Variants in GNAQ observed in about 807,000 individuals in gnomAD.
GNAQ encodes guanine nucleotide-binding protein G(q) subunit alpha.
In GNAQ, 8 loss-of-function variants were observed where a neutral mutation model predicts 43.9. That is an observed-to-expected ratio of 0.18 (90% CI 0.11 to 0.33). GNAQ has a LOEUF of 0.33. Among genes scored for constraint, GNAQ ranks in the 10% least tolerant of loss-of-function variants. The probability of loss-of-function intolerance (pLI) is 1.00; values close to 1 mark genes in which losing one functional copy is unlikely to be tolerated. For missense variants in GNAQ, 158 were observed against 450.8 expected, an observed-to-expected ratio of 0.35 and a Z score of 5.88; for synonymous variants, 155 against 170.7, an observed-to-expected ratio of 0.91 and a Z score of 0.71.
rs549280434 is a variant in GNAQ, at chr9:77,939,546, A to C, written c.137-17201T>G. ...AAGCATGAATAATTCTAAAATACTAAATAAGTTCCCCCCTTTTCTCTCCCA... is the reference window on the plus strand; with the variant it reads ...AAGCATGAATAATTCTAAAATACTACATAAGTTCCCCCCTTTTCTCTCCCA... On this transcript the variant is annotated intron_variant, in intron 1 of 6. Coordinates refer to ENST00000286548, the MANE Select transcript of GNAQ (RefSeq NM_002072.5). 1.7e-3 allele frequency among the ~76,000 whole-genome samples: 259 copies of C among 152,312 alleles called. 1 individual carries two copies. Among genetic ancestry groups the C allele is most frequent in the African/African-American group, 6.0e-3 (250 of 41,576 alleles).
At chr9:77,797,466 A>G (rs2118454323) in intron 4 of GNAQ, 54 bp downstream of exon 4, 1 of 1,400,832 alleles carries the variant, frequency 7.1e-7, no homozygotes. Context: ...GAGTTTACCA[A>G]ATGTACTCAA....
At chr9:77,996,837 T>G (rs2118538507) in intron 1 of GNAQ, among the ~76,000 whole-genome samples, 1 of 152,360 alleles carries the variant, frequency 6.6e-6, no homozygotes, top group East Asian at 1.9e-4. Flanking sequence ...TACACTGTTC[T>G]GATCTCATTA....
chr9:77,989,466 T>C (rs931877991), intron 1 of GNAQ, among the ~76,000 whole-genome samples: 1 of 152,226 alleles, frequency 6.6e-6, no homozygotes, highest in African/African-American at 2.4e-5. Flanking sequence ...AGGGAAGAAC[T>C]GATATTGGAG....
chr9:77,897,337 C>T (rs932146200), intron 2 of GNAQ, among the ~76,000 whole-genome samples: 4 of 152,210 alleles, frequency 2.6e-5, no homozygotes, highest in Non-Finnish European at 5.9e-5. Flanking sequence ...ATCCTTACTG[C>T]AGCAGAGCAC....
At chr9:77,792,156 G>A (rs1022772361) in intron 5 of GNAQ, among the ~76,000 whole-genome samples, 1 of 152,124 alleles carries the variant, frequency 6.6e-6, no homozygotes, top group Admixed American at 6.5e-5. Context: ...CTTTTCTCAT[G>A]ATCCCATACT....
chr9:77,808,091 CAA>C (rs1826855515), intron 3 of GNAQ, among the ~76,000 whole-genome samples: 1 of 152,110 alleles, frequency 6.6e-6, no homozygotes, highest in African/African-American at 2.4e-5. Flanking sequence ...CCAAACTACT[CAA>C]AGTCCAAATA....
At chr9:77,951,028 C>T (rs1232417559) in intron 1 of GNAQ, among the ~76,000 whole-genome samples, 1 of 151,588 alleles carries the variant, frequency 6.6e-6, no homozygotes, top group Non-Finnish European at 1.5e-5. Flanking sequence ...CCTGTATCTT[C>T]ACCCCAGTAT....
At chr9:77,873,998 G>A (rs915815313) in intron 2 of GNAQ, among the ~76,000 whole-genome samples, 7 of 151,790 alleles carry the variant, frequency 4.6e-5, no homozygotes, top group South Asian at 2.1e-4. Context: ...CCAGCTACCC[G>A]GGAGGCTGAG....
intron 1 of GNAQ, among the ~76,000 whole-genome samples, chr9:77,958,964 A>T (rs899854046): frequency 1.3e-5 from 2 of 152,202 alleles, no homozygotes; most frequent in African/African-American, 4.8e-5. Context: ...ACTTAGTACT[A>T]AGACAATTCA....
chr9:77,959,566 T>C lies in GNAQ; in HGVS notation c.137-37221A>G, dbSNP rs551390626. 2.1e-4 allele frequency among the ~76,000 whole-genome samples: 32 copies of C among 152,362 alleles called. No homozygotes were observed. The South Asian group carries it at 6.2e-3, about 30-fold the overall frequency. On this transcript the variant is annotated intron_variant, in intron 1 of 6. Coordinates refer to ENST00000286548, the MANE Select transcript of GNAQ (RefSeq NM_002072.5). ...GCAAATTTCAATCTGCATGAAAGTA[T>C]GTTTTTTGGGAAATAACAAGTCCGT...
intron 2 of GNAQ, among the ~76,000 whole-genome samples, chr9:77,869,246 CA>C (rs1827997636): frequency 6.6e-6 from 1 of 152,012 alleles, no homozygotes; most frequent in South Asian, 2.1e-4. Context: ...ATTAGTAGGA[CA>C]AAACTGATTA....
At chr9:77,797,388 A>G in intron 4 of GNAQ, 132 bp downstream of exon 4, 2 of 710,686 alleles carry the variant, frequency 2.8e-6, no homozygotes, top group Non-Finnish European at 4.9e-6. Flanking sequence ...TTATTTGTAT[A>G]ACTAATGATA....
intron 3 of GNAQ, among the ~76,000 whole-genome samples, chr9:77,803,453 A>G (rs1826779183): frequency 6.6e-6 from 1 of 152,228 alleles, no homozygotes; most frequent in South Asian, 2.1e-4. Context: ...CATTTCTGAC[A>G]CAATCTTCTT....
chr9:78,030,887 CTGTGTGTG>C lies in GNAQ; in HGVS notation c.136+205_136+212del, dbSNP rs35071779. 0.12 allele frequency among the ~76,000 whole-genome samples: 17,547 copies of C among 146,112 alleles called. 1,182 individuals carry two copies. Among genetic ancestry groups the C allele is most frequent in the East Asian group, 0.27 (1,309 of 4,840 alleles). Reference sequence around the variant, plus strand: ...ACCCCTGTGCTGCGTGTGTGTGTCGCTGTGTGTGTGTGTGTGTGTGTGTGTGTGTGTGT... The same window carrying C: ...ACCCCTGTGCTGCGTGTGTGTGTCGCTGTGTGTGTGTGTGTGTGTGTGTGT... On this transcript the variant is annotated intron_variant, in intron 1 of 6. Transcript: ENST00000286548.
chr9:78,010,390 A>G (rs531881393), intron 1 of GNAQ, among the ~76,000 whole-genome samples: 25 of 152,292 alleles, frequency 1.6e-4, no homozygotes, highest in Middle Eastern at 3.4e-3. Context: ...GATTTCTAAT[A>G]AACAGATGAC....
At chr9:78,001,857 A>G (rs1823647758) in intron 1 of GNAQ, among the ~76,000 whole-genome samples, 1 of 152,224 alleles carries the variant, frequency 6.6e-6, no homozygotes, top group Non-Finnish European at 1.5e-5. Flanking sequence ...AACTAGGAGT[A>G]TTCTACTACA....
chr9:77,760,735 C>T (rs1187535757), intron 5 of GNAQ, among the ~76,000 whole-genome samples: 45 of 151,336 alleles, frequency 3.0e-4, no homozygotes, highest in Middle Eastern at 3.4e-3. Flanking sequence ...CGTCTCTGCC[C>T]GGCCGCCATC....
intron 1 of GNAQ, among the ~76,000 whole-genome samples, chr9:77,973,745 G>C (rs1407394194): frequency 3.9e-5 from 6 of 152,164 alleles, no homozygotes; most frequent in Non-Finnish European, 5.9e-5. Flanking sequence ...TTGAATGTGG[G>C]AGGCACAGGC....
intron 1 of GNAQ, among the ~76,000 whole-genome samples, chr9:77,923,428 C>A (rs1829026697): frequency 6.6e-6 from 1 of 152,120 alleles, no homozygotes; most frequent in African/African-American, 2.4e-5. Flanking sequence ...TAACCCCTAA[C>A]AGAGCTATAT....
Sources: gnomAD v4.1 joint callset for allele counts (sites outside exome capture counted in the v4.1 genomes callset) on GRCh38, gnomAD v4.1.1 for gene constraint, MANE v1.5 for transcripts, NCBI Gene and HGNC (gene_info 2026-07-23, HGNC 2026-07-21) for gene names.